The following EXD1 variants were observed in gnomAD, a reference collection of about 807,000 sequenced individuals.
EXD1 encodes the protein piRNA biogenesis protein EXD1.
Under a neutral mutation model 49.1 loss-of-function variants are expected in EXD1, and 63 were observed. The ratio of observed to expected loss-of-function variants is 1.28; its 90% CI spans 1.05 to 1.58. The LOEUF (loss-of-function observed/expected upper bound fraction) is 1.58. EXD1 is among the 40% of genes most tolerant of loss of function. EXD1 has a pLI of 0.00. For missense variants in EXD1, 748 were observed against 666.0 expected (o/e 1.12, Z -1.36); for synonymous variants, 234 against 239.2 (o/e 0.98, Z 0.20).
intron 2 of EXD1, among the ~76,000 whole-genome samples, chr15:41,223,303 C>T (rs1262925610): frequency 6.6e-6 from 1 of 151,846 alleles, no homozygotes; most frequent in African/African-American, 2.4e-5. Flanking sequence ...GCCTGTAGTC[C>T]CAGCTATTTG....
chr15:41,187,606 C>T (rs2046434172), intron 11 of EXD1, among the ~76,000 whole-genome samples: 1 of 152,098 alleles, frequency 6.6e-6, no homozygotes, highest in Non-Finnish European at 1.5e-5. Context: ...ATAAGATAAT[C>T]ATAACACTTT....
chr15:41,218,057 C>T (rs1355894576), intron 3 of EXD1, among the ~76,000 whole-genome samples: 1 of 152,284 alleles, frequency 6.6e-6, no homozygotes, highest in East Asian at 1.9e-4. Flanking sequence ...AATGACTATC[C>T]TTTGAGCTTA....
intron 9 of EXD1, 130 bp downstream of exon 9, chr15:41,195,645 T>C (rs2046596123): frequency 7.6e-6 from 4 of 524,248 alleles, no homozygotes; most frequent in Non-Finnish European, 1.2e-5. Flanking sequence ...ACATGAAAAG[T>C]GAGCAGAAAT....
chr15:41,202,937 C>T (rs1420219789), intron 7 of EXD1, among the ~76,000 whole-genome samples: 3 of 144,756 alleles, frequency 2.1e-5, no homozygotes, highest in South Asian at 2.2e-4. Context: ...AAAAAAAAAG[C>T]GAACCCCTGA....
intron 9 of EXD1, among the ~76,000 whole-genome samples, 187 bp downstream of exon 9, chr15:41,195,587 GT>G (rs1224519908): frequency 6.6e-6 from 1 of 151,362 alleles, no homozygotes; most frequent in African/African-American, 2.4e-5. Context: ...CTTTACTGCA[GT>G]GCTTTTATAG....
chr15:41,185,356 G>A (rs1167513949), intron 11 of EXD1, among the ~76,000 whole-genome samples: 8 of 150,954 alleles, frequency 5.3e-5, no homozygotes, highest in African/African-American at 1.9e-4. Flanking sequence ...GTTTTGTTTT[G>A]ATTTTTTTAG....
Position 41,215,758 on chromosome 15 carries a change from T to C in EXD1, c.447+17A>G, listed in dbSNP as rs766693741. On this transcript the variant is annotated intron_variant, in intron 6 of 11. Transcript: ENST00000458580. Reference sequence around the variant, plus strand: ...TACATACAGGCAATACTAGTAATGATTGAGGACAATACTTACCGCAGCACC... The same window carrying C: ...TACATACAGGCAATACTAGTAATGACTGAGGACAATACTTACCGCAGCACC... 7.4e-6 allele frequency: 12 copies of C among 1,612,150 alleles called. No homozygotes were observed. The highest frequency in any genetic ancestry group is 1.3e-5 in the African/African-American group (1 of 74,986).
intron 2 of EXD1, among the ~76,000 whole-genome samples, chr15:41,225,423 A>G (rs1187930951): frequency 6.6e-6 from 1 of 151,136 alleles, no homozygotes; most frequent in Non-Finnish European, 1.5e-5. Flanking sequence ...TGCCACTACT[A>G]AAAATACAAA....
chr15:41,200,617 G>A (rs768789563), intron 7 of EXD1, among the ~76,000 whole-genome samples: 4 of 152,158 alleles, frequency 2.6e-5, no homozygotes, highest in East Asian at 1.9e-4. Flanking sequence ...ACCAGAAAAG[G>A]GAGGTCATGG....
intron 11 of EXD1, among the ~76,000 whole-genome samples, chr15:41,186,577 C>G (rs1412807532): frequency 1.4e-5 from 2 of 147,940 alleles, no homozygotes; most frequent in Non-Finnish European, 3.0e-5. Context: ...TGCAATATAA[C>G]AACTATTTAC....
At position 41,202,162 on chromosome 15, in the gene EXD1, A is replaced by AT. The variant is rs1352354068; in HGVS notation, c.535-6126dup. Among the ~76,000 whole-genome samples the AT allele has an allele frequency of 1.8e-4, 26 of 147,426 alleles. No individual in the cohort carries two copies. The East Asian group carries it at 2.4e-3, about 13-fold the overall frequency. Reference sequence around the variant, plus strand: ...CAGAACTTTCATTATATATATATATATATATTTTTTTTAATTTAATTTTAT... The same window carrying AT: ...CAGAACTTTCATTATATATATATATATTATATTTTTTTTAATTTAATTTTAT... On this transcript the variant is annotated intron_variant, in intron 7 of 11. Transcript: ENST00000458580.
At chr15:41,226,406 C>T in intron 2 of EXD1, 37 bp downstream of exon 2, 1 of 1,531,582 alleles carries the variant, frequency 6.5e-7, no homozygotes, top group East Asian at 2.4e-5. Flanking sequence ...TCACTAATCT[C>T]TTAAAAGGCA....
intron 11 of EXD1, among the ~76,000 whole-genome samples, chr15:41,187,127 G>A (rs776610370): frequency 2.6e-5 from 4 of 151,016 alleles, no homozygotes; most frequent in Non-Finnish European, 5.9e-5. Flanking sequence ...CAGGTTATCC[G>A]CTCGCCTGGG....
intron 2 of EXD1, among the ~76,000 whole-genome samples, chr15:41,221,050 C>G (rs959682051): frequency 2.0e-5 from 3 of 152,064 alleles, no homozygotes; most frequent in Non-Finnish European, 4.4e-5. Flanking sequence ...ATGTTTAGTT[C>G]TTTTCCTATT....
At chr15:41,225,594 A>C (rs1172328374) in intron 2 of EXD1, among the ~76,000 whole-genome samples, 3 of 151,188 alleles carry the variant, frequency 2.0e-5, no homozygotes, top group African/African-American at 7.3e-5. Flanking sequence ...TCAGAAAAAA[A>C]AAAAAAGGCC....
intron 7 of EXD1, among the ~76,000 whole-genome samples, 155 bp downstream of exon 7, chr15:41,209,346 G>A (rs1230019528): frequency 6.6e-6 from 1 of 152,146 alleles, no homozygotes; most frequent in African/African-American, 2.4e-5. Flanking sequence ...GAGCCCAGGA[G>A]TTCAATGCTG....
intron 2 of EXD1, among the ~76,000 whole-genome samples, chr15:41,222,934 CAAA>C (rs562493256): frequency 1.0e-3 from 105 of 100,192 alleles, no homozygotes; most frequent in Non-Finnish European, 1.7e-3. Context: ...GACTCTGTCT[CAAA>C]AAAAAAAAAA....
At chr15:41,199,837 G>A (rs1464406712) in intron 7 of EXD1, among the ~76,000 whole-genome samples, 1 of 133,164 alleles carries the variant, frequency 7.5e-6, no homozygotes, top group Non-Finnish European at 1.6e-5. Context: ...GTCAATATAT[G>A]ATATATATAA....
Position 41,209,499 on chromosome 15 carries a change from A to G in EXD1, c.534+2T>C, listed in dbSNP as rs771790605. 1.2e-6 allele frequency: 2 copies of G among 1,611,636 alleles called. No individual in the cohort carries two copies. Among genetic ancestry groups the G allele is most frequent in the Non-Finnish European group, 1.7e-6 (2 of 1,179,546 alleles). ...AATAAAAAGTTTTCAAAAATCTTTCACCTGCAGCCAGCACAGTTTGCCATG... is the reference window on the plus strand; with the variant it reads ...AATAAAAAGTTTTCAAAAATCTTTCGCCTGCAGCCAGCACAGTTTGCCATG... On this transcript the variant is annotated splice_donor_variant, in intron 7 of 11. Transcript: ENST00000458580. LOFTEE classifies it high-confidence loss of function.
Sources: gnomAD v4.1 joint callset for allele counts (sites outside exome capture counted in the v4.1 genomes callset) on GRCh38, gnomAD v4.1.1 for gene constraint, MANE v1.5 for transcripts, NCBI Gene and HGNC (gene_info 2026-07-23, HGNC 2026-07-21) for gene names.